PAX5: variants seen among roughly 807,000 people sequenced by gnomAD.
PAX5 encodes the protein paired box protein Pax-5.
A neutral mutation model predicts 43.7 loss-of-function variants in PAX5; 9 were observed. That is an observed-to-expected ratio of 0.21 (90% CI 0.12 to 0.36). PAX5 has a LOEUF of 0.36. Among genes scored for constraint, PAX5 ranks in the 10% least tolerant of loss-of-function variants. The pLI, the probability that PAX5 is intolerant of heterozygous loss-of-function variation, is 1.00. For synonymous variants in PAX5, 228 were observed against 214.3 expected, an observed-to-expected ratio of 1.06 and a Z score of -0.56; for missense variants, 383 against 532.7, an observed-to-expected ratio of 0.72 and a Z score of 2.77.
intron 7 of PAX5, 28 bp downstream of exon 7, chr9:36,923,327 T>C: frequency 6.2e-7 from 1 of 1,600,686 alleles, no homozygotes; most frequent in Non-Finnish European, 8.5e-7. Context: ...TCTCCCTCAC[T>C]CATCCCCCAT....
At chr9:36,886,779 T>G (rs1374402920) in intron 7 of PAX5, among the ~76,000 whole-genome samples, 1 of 152,234 alleles carries the variant, frequency 6.6e-6, no homozygotes, top group African/African-American at 2.4e-5. Context: ...CTAAAATGAA[T>G]CAATTTGCAT....
intron 1 of PAX5, chr9:37,026,524 C>G (rs1383238526): frequency 1.5e-6 from 2 of 1,326,056 alleles, no homozygotes; most frequent in Admixed American, 4.5e-5. Context: ...GAGCTCGCCG[C>G]CTACTTACTA....
chr9:36,903,496 A>G (rs1184845032), intron 7 of PAX5, among the ~76,000 whole-genome samples: 1 of 152,270 alleles, frequency 6.6e-6, no homozygotes, highest in Non-Finnish European at 1.5e-5. Flanking sequence ...CACAATGGAC[A>G]ACACACAGCC....
intron 7 of PAX5, among the ~76,000 whole-genome samples, chr9:36,921,719 T>C (rs1830183362): frequency 6.6e-6 from 1 of 152,240 alleles, no homozygotes; most frequent in Non-Finnish European, 1.5e-5. Flanking sequence ...CACTCTGCCA[T>C]GCCCACCTCT....
intron 9 of PAX5, among the ~76,000 whole-genome samples, chr9:36,842,556 A>G (rs1822161255): frequency 1.3e-5 from 2 of 152,208 alleles, no homozygotes; most frequent in African/African-American, 2.4e-5. Flanking sequence ...AAATGAAAAC[A>G]TCACCTCACA....
intron 5 of PAX5, among the ~76,000 whole-genome samples, chr9:36,991,776 GGAA>G (rs950256973): frequency 1.0e-4 from 14 of 134,268 alleles, no homozygotes; most frequent in Non-Finnish European, 1.5e-4. Flanking sequence ...GCTGGTGCTG[GGAA>G]GTGTCTGACT....
At chr9:36,962,637 C>T (rs913861919) in intron 6 of PAX5, among the ~76,000 whole-genome samples, 1 of 152,134 alleles carries the variant, frequency 6.6e-6, no homozygotes, top group Non-Finnish European at 1.5e-5. Flanking sequence ...TCACTTCTAC[C>T]ACAGATATGG....
Position 37,034,088 on chromosome 9 carries a change from CTTTTTTTTTCTTTT to C in PAX5, c.-71_-58del. 11 of 447,896 alleles carry C rather than the reference CTTTTTTTTTCTTTT, an allele frequency of 2.5e-5. No homozygotes were observed. In the South Asian group the frequency reaches 3.8e-4, roughly 15 times the overall value. 27.7% of individuals were successfully genotyped at this position (447,896 alleles called of 1,614,324 possible). On this transcript the variant is annotated 5_prime_UTR_variant, in exon 1 of 10. Coordinates refer to ENST00000358127, the MANE Select transcript of PAX5 (RefSeq NM_016734.3). ...GGGAAAAGTTTCCACTTTTTTGTGC[CTTTTTTTTTCTTTT>C]TTTTTTTTTTTTTTTTTTTTTTTTG... is the stretch of plus-strand genomic sequence containing the variant.
At chr9:36,923,518 G>A in intron 6 of PAX5, 34 bp from the exon 7 acceptor site, 1 of 1,592,042 alleles carries the variant, frequency 6.3e-7, no homozygotes, top group Non-Finnish European at 8.5e-7. Context: ...TCAGCACCAA[G>A]ACTCCACAGT....
intron 6 of PAX5, among the ~76,000 whole-genome samples, chr9:36,928,684 C>G (rs1830855962): frequency 6.6e-6 from 1 of 152,132 alleles, no homozygotes; most frequent in Non-Finnish European, 1.5e-5. Context: ...CCACCTCTAC[C>G]CCACATCGAG....
intron 4 of PAX5, 58 bp downstream of exon 4, chr9:37,006,415 T>G: frequency 8.0e-7 from 1 of 1,254,044 alleles, no homozygotes; most frequent in Non-Finnish European, 1.2e-6. Flanking sequence ...GATTAAAAGT[T>G]CTTTAGAATA....
chr9:36,974,660 A>T (rs1835268387), intron 5 of PAX5, among the ~76,000 whole-genome samples: 1 of 152,172 alleles, frequency 6.6e-6, no homozygotes, highest in Non-Finnish European at 1.5e-5. Flanking sequence ...AAACAACAGT[A>T]TGCAGGACAA....
At position 36,835,097 on chromosome 9, in the gene PAX5, T is replaced by G. The variant is rs1821551493; in HGVS notation, c.*5463A>C. On this transcript the variant is annotated 3_prime_UTR_variant, in exon 10 of 10. Coordinates refer to ENST00000358127, the MANE Select transcript of PAX5 (RefSeq NM_016734.3). ...TTTGCTGATTGTCCCTCAGTAGATATTAATAGGTAAGCAGCTGCATTTTCT... is the reference window on the plus strand; with the variant it reads ...TTTGCTGATTGTCCCTCAGTAGATAGTAATAGGTAAGCAGCTGCATTTTCT... 2 of 233,176 alleles carry G rather than the reference T, an allele frequency of 8.6e-6. No homozygotes were observed. Among genetic ancestry groups the G allele is most frequent in the Non-Finnish European group, 1.7e-5 (2 of 118,074 alleles). 14.4% of individuals were successfully genotyped at this position (233,176 alleles called of 1,614,324 possible).
At chr9:36,908,218 T>A (rs965425576) in intron 7 of PAX5, among the ~76,000 whole-genome samples, 2 of 140,332 alleles carry the variant, frequency 1.4e-5, no homozygotes, top group Non-Finnish European at 3.1e-5. Context: ...AAAAGAAGAC[T>A]TTTTTTTTTT....
chr9:36,924,722 A>AAAAG (rs10660797), intron 6 of PAX5, among the ~76,000 whole-genome samples: 59,168 of 88,672 alleles, frequency 0.67, 21,352 homozygotes, highest in Non-Finnish European at 0.74. Flanking sequence ...TCTGTCAAAA[A>AAAAG]AAAGAAAGAG....
chr9:36,966,865 A>G, intron 5 of PAX5, 141 bp from the exon 6 acceptor site: 2 of 713,562 alleles, frequency 2.8e-6, no homozygotes, highest in African/African-American at 3.6e-5. Context: ...GGGCTCAGGT[A>G]AGGCACTGCC....
intron 7 of PAX5, among the ~76,000 whole-genome samples, chr9:36,883,243 C>T (rs945178221): frequency 4.6e-5 from 7 of 152,218 alleles, no homozygotes; most frequent in Admixed American, 3.3e-4. Context: ...GTTTCTGCTG[C>T]TGTTACACAT....
intron 9 of PAX5, among the ~76,000 whole-genome samples, chr9:36,844,210 T>C (rs1226782589): frequency 6.6e-6 from 1 of 152,190 alleles, no homozygotes; most frequent in Admixed American, 6.5e-5. Context: ...GGCCTGTTTC[T>C]ACAGAGGGGT....
At chr9:37,002,868 G>A (rs1838026605) in intron 4 of PAX5, 92 bp from the exon 5 acceptor site, 1 of 1,461,024 alleles carries the variant, frequency 6.8e-7, no homozygotes, top group East Asian at 2.5e-5. Context: ...CGGCTGGGAG[G>A]GAGCGAGCGC....
Sources: allele counts gnomAD v4.1 joint callset (sites outside exome capture counted in the v4.1 genomes callset), GRCh38; gene constraint gnomAD v4.1.1; transcripts MANE v1.5; gene names NCBI Gene and HGNC (gene_info 2026-07-23, HGNC 2026-07-21).